Variants in ABCC9 observed in about 807,000 individuals in gnomAD.
The protein encoded by ABCC9 is ATP-binding cassette sub-family C member 9.
ABCC9 carries 95 observed loss-of-function variants against 188.3 expected under a neutral mutation model. That is an observed-to-expected ratio of 0.50 (90% confidence interval 0.43 to 0.60). The LOEUF is 0.60. ABCC9 is among the 20% of genes least tolerant of loss of function. The pLI is 0.00. For missense variants in ABCC9, 1,102 were observed against 1,876.3 expected (o/e 0.59, Z 7.62); for synonymous variants, 659 against 652.7 (o/e 1.01, Z -0.15).
At chr12:21,808,338 T>G (rs763750643) in intron 37 of ABCC9, among the ~76,000 whole-genome samples, 1 of 152,116 alleles carries the variant, frequency 6.6e-6, no homozygotes, top group African/African-American at 2.4e-5. Context: ...TGGTCATCTT[T>G]ACTAAGATGA....
intron 12 of ABCC9, among the ~76,000 whole-genome samples, chr12:21,901,434 G>A (rs1055635431): frequency 7.9e-5 from 12 of 152,082 alleles, no homozygotes; most frequent in African/African-American, 2.9e-4. Flanking sequence ...ATAATGACAG[G>A]ATCAAATTTA....
intron 39 of ABCC9, among the ~76,000 whole-genome samples, chr12:21,802,264 T>G (rs1307909854): frequency 6.6e-6 from 1 of 152,226 alleles, no homozygotes; most frequent in Non-Finnish European, 1.5e-5. Flanking sequence ...ATTCAGCACT[T>G]TGTCTGACAT....
intron 31 of ABCC9, among the ~76,000 whole-genome samples, chr12:21,824,323 G>A (rs1303512109): frequency 5.9e-5 from 9 of 152,150 alleles, no homozygotes; most frequent in Non-Finnish European, 1.0e-4. Flanking sequence ...AACCAGCTTT[G>A]CATCCCAGGG....
intron 18 of ABCC9, among the ~76,000 whole-genome samples, chr12:21,866,624 G>C (rs1372550362): frequency 1.3e-5 from 2 of 152,114 alleles, no homozygotes; most frequent in Admixed American, 6.6e-5. Context: ...CATATAAATG[G>C]TGTGCAACAA....
chr12:21,805,047 AC>A, intron 39 of ABCC9: 1 of 1,378,806 alleles, frequency 7.3e-7, no homozygotes, highest in Non-Finnish European at 1.0e-6. Context: ...TTGTAATAAC[AC>A]CCTGCAGTTA....
chr12:21,810,268 T>C (rs1942140596), intron 36 of ABCC9, among the ~76,000 whole-genome samples: 1 of 152,196 alleles, frequency 6.6e-6, no homozygotes, highest in African/African-American at 2.4e-5. Context: ...CCAAATAGTA[T>C]CTAGCAAAAT....
At chr12:21,824,285 G>T (rs1943233211) in intron 31 of ABCC9, among the ~76,000 whole-genome samples, 1 of 152,130 alleles carries the variant, frequency 6.6e-6, no homozygotes, top group Admixed American at 6.5e-5. Context: ...TGATGTGATG[G>T]ATTACGTTTA....
At chr12:21,810,246 G>A (rs1942137958) in intron 36 of ABCC9, among the ~76,000 whole-genome samples, 2 of 152,120 alleles carry the variant, frequency 1.3e-5, no homozygotes. Flanking sequence ...TCCAAACTAT[G>A]CTTAGTATAA....
intron 22 of ABCC9, among the ~76,000 whole-genome samples, chr12:21,855,684 G>GA (rs1223069826): frequency 6.6e-6 from 1 of 152,188 alleles, no homozygotes; most frequent in African/African-American, 2.4e-5. Context: ...AGAGGCCTGA[G>GA]AGAAAGCACC....
intron 12 of ABCC9, among the ~76,000 whole-genome samples, chr12:21,901,583 A>T (rs1269209407): frequency 6.6e-6 from 1 of 152,212 alleles, no homozygotes; most frequent in African/African-American, 2.4e-5. Flanking sequence ...AGACACACAT[A>T]GGCTCAAAAT....
Position 21,894,027 on chromosome 12 carries a change from C to A in ABCC9, c.1802+5G>T, listed in dbSNP as rs1178779154. 4 of 1,613,744 alleles carry A rather than the reference C, an allele frequency of 2.5e-6. No individual in the cohort carries two copies. The highest frequency in any genetic ancestry group is 3.4e-6 in the Non-Finnish European group (4 of 1,179,984). On this transcript the variant is annotated splice_donor_5th_base_variant and intron_variant, in intron 14 of 39. Coordinates refer to ENST00000261200, the MANE Select transcript of ABCC9 (RefSeq NM_020297.4). Reference sequence around the variant, plus strand: ...GCAAAAAATGCCAGACACTTCAGTGCATACCTTATGATGGCTTTGACTGCA... The same window carrying A: ...GCAAAAAATGCCAGACACTTCAGTGAATACCTTATGATGGCTTTGACTGCA...
chr12:21,875,750 T>G, intron 16 of ABCC9, 24 bp from the exon 17 acceptor site: 2 of 1,542,536 alleles, frequency 1.3e-6, no homozygotes, highest in Non-Finnish European at 1.8e-6. Context: ...ATACAGAAAT[T>G]AAATTATATG....
Position 21,797,702 on chromosome 12 carries a change from A to G in ABCC9, c.*3342T>C, listed in dbSNP as rs1179014528. ...TTACTTAGAGGGTCTTCTGGTATCT[A>G]ATCTAGAGCTGAGTAGACTTTTAAA... On this transcript the variant is annotated 3_prime_UTR_variant, in exon 40 of 40. Coordinates refer to ENST00000261200, the MANE Select transcript of ABCC9 (RefSeq NM_020297.4). The G allele has an allele frequency of 1.3e-5, 2 of 152,218 alleles. No individual in the cohort carries two copies. The highest frequency in any genetic ancestry group is 4.8e-5 in the African/African-American group (2 of 41,466). 9.4% of individuals were successfully genotyped at this position (152,218 alleles called of 1,614,324 possible).
intron 19 of ABCC9, among the ~76,000 whole-genome samples, chr12:21,863,917 G>T (rs1945652888): frequency 6.6e-6 from 1 of 152,104 alleles, no homozygotes; most frequent in South Asian, 2.1e-4. Flanking sequence ...TAGAAGACAT[G>T]ATACTATATA....
intron 4 of ABCC9, among the ~76,000 whole-genome samples, chr12:21,933,563 A>G (rs996922505): frequency 4.6e-5 from 7 of 152,126 alleles, no homozygotes; most frequent in Admixed American, 3.3e-4. Flanking sequence ...GTATATAGCT[A>G]TTAGACCTAT....
At chr12:21,854,877 A>G (rs778012954) in intron 22 of ABCC9, among the ~76,000 whole-genome samples, 6 of 152,218 alleles carry the variant, frequency 3.9e-5, no homozygotes, top group Non-Finnish European at 8.8e-5. Flanking sequence ...TGATATCTCC[A>G]CAGCAATGGA....
intron 35 of ABCC9, among the ~76,000 whole-genome samples, chr12:21,814,112 T>C (rs919225613): frequency 3.9e-5 from 6 of 152,212 alleles, no homozygotes; most frequent in Admixed American, 1.3e-4. Flanking sequence ...TGAATGTGTA[T>C]GTTTTGTGTA....
At chr12:21,841,599 C>T (rs978837956) in intron 29 of ABCC9, among the ~76,000 whole-genome samples, 8 of 151,954 alleles carry the variant, frequency 5.3e-5, no homozygotes, top group African/African-American at 1.4e-4. Context: ...CCTCACGATC[C>T]GCCCGCCTCA....
At chr12:21,818,515 GATATATA>G (rs1942815900) in intron 31 of ABCC9, among the ~76,000 whole-genome samples, 3 of 126,454 alleles carry the variant, frequency 2.4e-5, no homozygotes, top group African/African-American at 8.8e-5. Flanking sequence ...TAACTATATA[GATATATA>G]TATATGTGTG....
Sources: allele counts gnomAD v4.1 joint callset (sites outside exome capture counted in the v4.1 genomes callset), GRCh38; gene constraint gnomAD v4.1.1; transcripts MANE v1.5; gene names NCBI Gene and HGNC (gene_info 2026-07-23, HGNC 2026-07-21).